The following HRC variants were observed in gnomAD, a reference collection of about 807,000 sequenced individuals.
The protein encoded by HRC is histidine rich calcium binding protein.
HRC carries 41 observed loss-of-function variants against 61.4 expected under a neutral mutation model. The ratio of observed to expected loss-of-function variants is 0.67; its 90% confidence interval spans 0.52 to 0.87. The LOEUF is 0.87. Ranked by LOEUF, HRC falls within the 40% of genes least tolerant of loss-of-function variation. The probability of loss-of-function intolerance (pLI) is 0.00; values close to 1 mark genes in which losing one functional copy is unlikely to be tolerated. For synonymous variants in HRC, 308 were observed against 326.6 expected (o/e 0.94, Z 0.62); for missense variants, 839 against 885.8 (o/e 0.95, Z 0.67).
chr19:49,151,922 G>A (rs754044404), intron 4 of HRC, 82 bp downstream of exon 4: 103 of 1,393,408 alleles, frequency 7.4e-5, no homozygotes, highest in Non-Finnish European at 1.0e-4. Flanking sequence ...AGCCTACCGG[G>A]CCAGGCTCCG....
At position 49,153,372 on chromosome 19, in the gene HRC, G is replaced by A. The variant is rs375861220; in HGVS notation, c.1831+35C>T. On this transcript the variant is annotated intron_variant, in intron 1 of 5. Transcript: ENST00000252825. The surrounding 1 kb of genome is among the most constrained non-coding windows in gnomAD (Gnocchi z 4.8). ...GGCAGCAGTGACCCAGGCTGACTCG[G>A]TTCCTTCCCACCCACACCAGCCCAG... 2.6e-4 allele frequency: 415 copies of A among 1,612,664 alleles called. 4 individuals carry two copies. The South Asian group carries it at 3.7e-3, about 15-fold the overall frequency.
rs759163594 is a variant in HRC, at chr19:49,154,156, C to G, written c.1082G>C (p.Arg361Pro). 1 of 1,614,122 alleles carries G rather than the reference C, an allele frequency of 6.2e-7. No individual in the cohort carries two copies. The highest frequency in any genetic ancestry group is 8.5e-7 in the Non-Finnish European group (1 of 1,180,030). ...EEEDEDVSTE[R>P]WHQGPQHVHH... ...GACATGTTGGGGACCCTGGTGCCAA[C>G]GTTCAGTGGACACATCCTCATCTTC... The change falls in exon 1 of 6, where the codon CGT becomes CCT. Residue 361 changes from arginine to proline, a missense_variant. Arg to Pro is a moderately radical substitution (Grantham distance 103). Coordinates refer to ENST00000252825, the MANE Select transcript of HRC (RefSeq NM_002152.3).
At position 49,152,387 on chromosome 19, in the gene HRC, C is replaced by CG; in HGVS notation, c.1903-10dup. ...TCACATTCAGTGCATCGCTGGGGACCGGGGGAGCCTGGTTAGATGGAAACT... is the reference window on the plus strand; with the variant it reads ...TCACATTCAGTGCATCGCTGGGGACCGGGGGGAGCCTGGTTAGATGGAAACT... On this transcript the variant is annotated splice_polypyrimidine_tract_variant and intron_variant, in intron 2 of 5. Coordinates refer to ENST00000252825, the MANE Select transcript of HRC (RefSeq NM_002152.3). 1 of 1,612,472 alleles carries CG rather than the reference C, an allele frequency of 6.2e-7. No homozygotes were observed. Among genetic ancestry groups the CG allele is most frequent in the Non-Finnish European group, 8.5e-7 (1 of 1,179,380 alleles).
rs748902662 is a variant in HRC at position 49,154,491 on chromosome 19, A to G, written c.747T>C (p.Asp249=). Reference sequence around the variant, plus strand: ...CATCATCATCATCATCATCATCATCATCATCGTCATCTTCTTCATGGCCTT... The same window carrying G: ...CATCATCATCATCATCATCATCATCGTCATCGTCATCTTCTTCATGGCCTT... The part of the protein sequence containing the change: ...RHQGHEEDDD[D]DDDDDDDDDD... Residue 249 remains aspartate, a synonymous_variant, in exon 1 of 6, where the codon GAT becomes GAC. Transcript: ENST00000252825. 8.3e-6 allele frequency: 13 copies of G among 1,573,024 alleles called. No homozygotes were observed. The highest frequency in any genetic ancestry group is 4.5e-5 in the South Asian group (4 of 88,292).
rs780932995 is a variant in HRC, at chr19:49,155,169, G to T, written c.69C>A (p.Pro23=). The part of the protein sequence containing the change: ...LWAGVASLLL[P]PAMTQQLRGD... Reference sequence around the variant, plus strand: ...CTCTGAGCTGCTGGGTCATGGCCGGGGGGAGGAGCAGGCTGGCCACCCCAG... The same window carrying T: ...CTCTGAGCTGCTGGGTCATGGCCGGTGGGAGGAGCAGGCTGGCCACCCCAG... The change falls in exon 1 of 6, where the codon CCC becomes CCA. Residue 23 remains proline (P), a synonymous_variant. Coordinates refer to ENST00000252825, the MANE Select transcript of HRC (RefSeq NM_002152.3). The surrounding 1 kb of genome is among the most constrained non-coding windows in gnomAD (Gnocchi z 4.7). The T allele has an allele frequency of 2.5e-6, 4 of 1,613,510 alleles. No individual in the cohort carries two copies. In the East Asian group the frequency reaches 6.7e-5, roughly 27 times the overall value.
chr19:49,154,586 C>T lies in HRC; in HGVS notation c.652G>A (p.Gly218Ser). The T allele has an allele frequency of 1.2e-6, 2 of 1,611,168 alleles. No individual in the cohort carries two copies. The highest frequency in any genetic ancestry group is 1.7e-6 in the Non-Finnish European group (2 of 1,178,042). ...TCCTCATCCTCTTCACTCCCATGGCCTCGGTGCCTGTGGGCCTGGTGTCCA... is the reference window on the plus strand; with the variant it reads ...TCCTCATCCTCTTCACTCCCATGGCTTCGGTGCCTGTGGGCCTGGTGTCCA... ...EYGHQAHRHR[G>S]HGSEEDEDVS... is the part of the protein sequence containing the mutation. The change falls in exon 1 of 6, where the codon GGC becomes AGC. Residue 218 changes from glycine to serine, a missense_variant. Physicochemically the swap from Gly to Ser is moderately conservative, Grantham distance 56. Coordinates refer to ENST00000252825, the MANE Select transcript of HRC (RefSeq NM_002152.3).
chr19:49,154,070 A>T lies in HRC; in HGVS notation c.1168T>A (p.Tyr390Asn). 6.2e-7 allele frequency: 1 copy of T among 1,614,130 alleles called. No individual in the cohort carries two copies. Among genetic ancestry groups the T allele is most frequent in the Non-Finnish European group, 8.5e-7 (1 of 1,180,016 alleles). ...EEEITVQFGH[Y>N]VASHQPRGHK... ...CCTCGAGGTTGGTGGCTTGCAACAT[A>T]GTGGCCGAACTGGACTGTGATCTCC... The change falls in exon 1 of 6, where the codon TAT becomes AAT. Residue 390 changes from tyrosine to asparagine, a missense_variant. By Grantham distance (143) the Tyr-to-Asn change is moderately radical. Transcript: ENST00000252825.
Position 49,152,990 on chromosome 19 carries a change from C to G in HRC, c.1902+271G>C, listed in dbSNP as rs373106330. 1.4e-3 allele frequency among the ~76,000 whole-genome samples: 213 copies of G among 152,186 alleles called. 2 individuals are homozygous for G. Among genetic ancestry groups the G allele is most frequent in the African/African-American group, 4.9e-3 (203 of 41,512 alleles). ...TAGCCTATCAGCCCCTGTGCCATCC[C>G]TCCTTCCCCCGACTCTCTTTGCCAC... On this transcript the variant is annotated intron_variant, in intron 2 of 5. Transcript: ENST00000252825.
intron 2 of HRC, 113 bp from the exon 3 acceptor site, chr19:49,152,491 T>G: frequency 1.3e-6 from 1 of 746,526 alleles, no homozygotes; most frequent in Non-Finnish European, 2.2e-6. Flanking sequence ...CCTCTTTATC[T>G]CTAACACTGA....
chr19:49,155,098 GCGACTC>G lies in HRC; in HGVS notation c.134_139del (p.Gly45_Val46del). ...TGCTGATGCCTCCTCGGAGAGCCCG[GCGACTC>G]CAGTGCTGTTGTTCCGGTTTCTGAA... On this transcript the variant is annotated inframe_deletion, in exon 1 of 6. Coordinates refer to ENST00000252825, the MANE Select transcript of HRC (RefSeq NM_002152.3). This position sits in a 1 kb window ranked among gnomAD's most constrained non-coding sequence, Gnocchi z 4.7. The G allele has an allele frequency of 6.2e-7, 1 of 1,614,194 alleles. No individual in the cohort carries two copies. The highest frequency in any genetic ancestry group is 8.5e-7 in the Non-Finnish European group (1 of 1,180,034).
In HRC at chr19:49,154,723, T is replaced by G. The variant is rs765612523; in HGVS notation, c.515A>C (p.Glu172Ala). The G allele has an allele frequency of 5.6e-6, 9 of 1,613,950 alleles. No homozygotes were observed. The highest frequency in any genetic ancestry group is 5.0e-5 in the Admixed American group (3 of 59,988). The change falls in exon 1 of 6, where the codon GAG (glutamate) becomes GCG (alanine). Residue 172 changes from glutamate to alanine, a missense_variant. Glu to Ala is a moderately radical substitution (Grantham distance 107). Coordinates refer to ENST00000252825, the MANE Select transcript of HRC (RefSeq NM_002152.3). ...ATGCCTGAGGATATGATGGTGATGC[T>G]CACTGGACACAACTTCATCCTCATC... Reference protein sequence around the residue: ...DEDEDEVVSSEHHHHILRHGH... With the variant: ...DEDEDEVVSSAHHHHILRHGH...
chr19:49,155,240 G>T lies in HRC; in HGVS notation c.-3C>A. On this transcript the variant is annotated 5_prime_UTR_variant, in exon 1 of 6. Transcript: ENST00000252825. The surrounding 1 kb of genome is among the most constrained non-coding windows in gnomAD (Gnocchi z 4.7). ...AGCCATGGCCTATGGTGGCCCATGG[G>T]GACGGACAGGCAGCACTGGCTCCAG... The T allele has an allele frequency of 1.3e-6, 2 of 1,589,368 alleles. No homozygotes were observed. The highest frequency in any genetic ancestry group is 1.7e-6 in the Non-Finnish European group (2 of 1,171,364).
chr19:49,154,559 C>T lies in HRC; in HGVS notation c.679G>A (p.Val227Ile). The T allele has an allele frequency of 1.2e-6, 2 of 1,613,386 alleles. No individual in the cohort carries two copies. Among genetic ancestry groups the T allele is most frequent in the South Asian group, 1.1e-5 (1 of 90,920 alleles). The change falls in exon 1 of 6, where the codon GTC becomes ATC. Residue 227 changes from valine (V) to isoleucine (I), a missense_variant. By Grantham distance (29) the Val-to-Ile change is conservative (BLOSUM62 3). Coordinates refer to ENST00000252825, the MANE Select transcript of HRC (RefSeq NM_002152.3). Reference protein sequence around the residue: ...RGHGSEEDEDVSDGHHHHGPS... With the variant: ...RGHGSEEDEDISDGHHHHGPS... ...CCATGATGATGGTGTCCATCTGAGA[C>T]ATCCTCATCCTCTTCACTCCCATGG... is the stretch of plus-strand genomic sequence containing the variant.
rs2041390217 is a variant in HRC, at chr19:49,154,172, C to A, written c.1066G>T (p.Asp356Tyr). The A allele has an allele frequency of 2.5e-6, 4 of 1,613,988 alleles. No individual in the cohort carries two copies. Among genetic ancestry groups the A allele is most frequent in the Non-Finnish European group, 3.4e-6 (4 of 1,179,894 alleles). The change falls in exon 1 of 6, where the codon GAT becomes TAT. Residue 356 changes from aspartate to tyrosine, a missense_variant. Coordinates refer to ENST00000252825, the MANE Select transcript of HRC (RefSeq NM_002152.3). ...TGGTGCCAACGTTCAGTGGACACAT[C>A]CTCATCTTCTTCCTCGTCTCTGTGG... Reference protein sequence around the residue: ...QGHRDEEEDEDVSTERWHQGP... With the variant: ...QGHRDEEEDEYVSTERWHQGP...
rs557969116 is a variant in HRC, at chr19:49,153,130, A to C, written c.1902+131T>G. Reference sequence around the variant, plus strand: ...GTCTGTCCTCACCTCACATGCCTGCAGAAGGATCTCTTTTCTTTCAGAACT... The same window carrying C: ...GTCTGTCCTCACCTCACATGCCTGCCGAAGGATCTCTTTTCTTTCAGAACT... On this transcript the variant is annotated intron_variant, in intron 2 of 5. Coordinates refer to ENST00000252825, the MANE Select transcript of HRC (RefSeq NM_002152.3). The surrounding 1 kb of genome is among the most constrained non-coding windows in gnomAD (Gnocchi z 4.8). 1.6e-4 allele frequency: 113 copies of C among 716,150 alleles called. No individual in the cohort carries two copies. The African/African-American group carries it at 1.6e-3, about 10-fold the overall frequency. The allele number at this position is 716,150 out of a possible 1,614,324, so 44.4% of individuals were successfully genotyped here. A position where few individuals can be genotyped will look rare whatever the true frequency, so the allele number is the denominator to read the frequency against.
intron 5 of HRC, 61 bp from the exon 6 acceptor site, chr19:49,151,393 AGAGAT>A: frequency 1.2e-5 from 19 of 1,564,706 alleles, no homozygotes; most frequent in Non-Finnish European, 1.6e-5. Flanking sequence ...CAGGACGCTT[AGAGAT>A]CATTAACCTG....
At position 49,151,328 on chromosome 19, in the gene HRC, G is replaced by A. The variant is rs1364200150; in HGVS notation, c.2068C>T (p.Leu690=). The A allele has an allele frequency of 1.3e-6, 2 of 1,557,194 alleles. No individual in the cohort carries two copies. The highest frequency in any genetic ancestry group is 2.4e-5 in the South Asian group (2 of 84,866). ...TCCGGCGTTTCCAGCATGTCTGCCAGGGCCCTGGAGACGAGAACGCCAGAA... is the reference window on the plus strand; with the variant it reads ...TCCGGCGTTTCCAGCATGTCTGCCAAGGCCCTGGAGACGAGAACGCCAGAA... The part of the protein sequence containing the change: ...DYFSSSLYQA[L]ADMLETPEP Residue 690 remains leucine (L), a synonymous_variant, in exon 6 of 6, where the codon CTG becomes TTG. Transcript: ENST00000252825.
chr19:49,155,280 A>G lies in HRC; in HGVS notation c.-43T>C. On this transcript the variant is annotated 5_prime_UTR_variant, in exon 1 of 6. Coordinates refer to ENST00000252825, the MANE Select transcript of HRC (RefSeq NM_002152.3). The surrounding 1 kb of genome is among the most constrained non-coding windows in gnomAD (Gnocchi z 4.7). ...ACTGGCTCCAGCTGCCTCTGCGGCA[A>G]TGTGGACAAACGTTGGGGTCTTTGT... The G allele has an allele frequency of 1.9e-6, 3 of 1,544,602 alleles. No homozygotes were observed. Among genetic ancestry groups the G allele is most frequent in the Non-Finnish European group, 2.6e-6 (3 of 1,155,842 alleles).
At position 49,155,387 on chromosome 19, in the gene HRC, G is replaced by T. The variant is rs1381552915; in HGVS notation, c.-150C>A. ...TGTCCACCTTCCTCTGGTCCTTGCTGCCTGGCTCTGGACACCCCTCTGAGG... is the reference window on the plus strand; with the variant it reads ...TGTCCACCTTCCTCTGGTCCTTGCTTCCTGGCTCTGGACACCCCTCTGAGG... On this transcript the variant is annotated 5_prime_UTR_variant, in exon 1 of 6. Coordinates refer to ENST00000252825, the MANE Select transcript of HRC (RefSeq NM_002152.3). This position sits in a 1 kb window ranked among gnomAD's most constrained non-coding sequence, Gnocchi z 4.7. 2.0e-5 allele frequency: 24 copies of T among 1,186,716 alleles called. No individual in the cohort carries two copies. In the Admixed American group the frequency reaches 2.1e-4, roughly 10 times the overall value. The allele number at this position is 1,186,716 out of a possible 1,614,324, so 73.5% of individuals were successfully genotyped here.
Sources: gnomAD v4.1 joint callset for allele counts (sites outside exome capture counted in the v4.1 genomes callset) on GRCh38, gnomAD v4.1.1 for gene constraint, Gnocchi (gnomAD v3.1) non-coding constraint, MANE v1.5 for transcripts, NCBI Gene and HGNC (gene_info 2026-07-23, HGNC 2026-07-21) for gene names.